The following SDK1 variants were observed in gnomAD, a reference collection of about 807,000 sequenced individuals.
The protein encoded by SDK1 is sidekick cell adhesion molecule 1.
Under a neutral mutation model 245.5 loss-of-function variants are expected in SDK1, and 157 were observed. The ratio of observed to expected loss-of-function variants is 0.64; its 90% CI spans 0.56 to 0.73. The LOEUF (loss-of-function observed/expected upper bound fraction) is 0.73. Ranked by LOEUF, SDK1 falls within the 30% of genes least tolerant of loss-of-function variation. The pLI, the probability that SDK1 is intolerant of heterozygous loss-of-function variation, is 0.00. For missense variants in SDK1, 3,583 were observed against 3,002.3 expected (o/e 1.19, Z -4.52); for synonymous variants, 1,647 against 1,278.5 (o/e 1.29, Z -6.15).
intron 4 of SDK1, among the ~76,000 whole-genome samples, chr7:3,738,035 G>T (rs1779368611): frequency 6.6e-6 from 1 of 152,204 alleles, no homozygotes; most frequent in Admixed American, 6.5e-5. Context: ...TGGTTGTTTT[G>T]TGAGGGGACG....
intron 1 of SDK1, among the ~76,000 whole-genome samples, chr7:3,594,231 T>G (rs1780980933): frequency 6.6e-6 from 1 of 152,230 alleles, no homozygotes; most frequent in African/African-American, 2.4e-5. Flanking sequence ...CTGACTTGTT[T>G]CACTCAACAT....
chr7:3,378,432 C>T (rs186406274), intron 1 of SDK1, among the ~76,000 whole-genome samples: 3 of 152,072 alleles, frequency 2.0e-5, no homozygotes, highest in Admixed American at 6.6e-5. Context: ...TTATCACTTG[C>T]GTTTCTTCGA....
chr7:4,053,391 G>A (rs919625154), intron 19 of SDK1, among the ~76,000 whole-genome samples: 8 of 151,982 alleles, frequency 5.3e-5, no homozygotes, highest in African/African-American at 1.7e-4. Flanking sequence ...ATGCAGTATG[G>A]CCTTTCTAAG....
At chr7:3,465,154 G>C (rs1278686218) in intron 1 of SDK1, among the ~76,000 whole-genome samples, 1 of 152,074 alleles carries the variant, frequency 6.6e-6, no homozygotes, top group Non-Finnish European at 1.5e-5. Context: ...CTGCACTTCC[G>C]TGTGACAAGT....
At chr7:4,239,774 G>C (rs1786406956) in intron 42 of SDK1, among the ~76,000 whole-genome samples, 1 of 152,204 alleles carries the variant, frequency 6.6e-6, no homozygotes, top group South Asian at 2.1e-4. Flanking sequence ...ACCTCTTCCT[G>C]AGCTCAGCTC....
chr7:3,677,151 G>C (rs139688690), intron 4 of SDK1, among the ~76,000 whole-genome samples: 2 of 152,116 alleles, frequency 1.3e-5, no homozygotes, highest in East Asian at 3.9e-4. Context: ...TAAACCCTTG[G>C]AATTTCCAAC....
intron 5 of SDK1, among the ~76,000 whole-genome samples, chr7:3,874,715 AT>A (rs1781033712): frequency 1.3e-5 from 2 of 151,944 alleles, no homozygotes; most frequent in Admixed American, 6.6e-5. Flanking sequence ...CTTAGGGAAG[AT>A]GGGGGTGATG....
chr7:3,476,660 T>C (rs1781356061), intron 1 of SDK1, among the ~76,000 whole-genome samples: 1 of 152,200 alleles, frequency 6.6e-6, no homozygotes, highest in Admixed American at 6.5e-5. Flanking sequence ...AGTATTTTTA[T>C]ATAGTTAATT....
At position 4,268,656 on chromosome 7, in the gene SDK1, C is replaced by G; in HGVS notation, c.*3272C>G. On this transcript the variant is annotated 3_prime_UTR_variant, in exon 45 of 45. Transcript: ENST00000404826. Reference sequence around the variant, plus strand: ...ATGGTTCGTAGCATGGTTTTTATTTCTTACGCATTCTTGGCACACAGTGTA... The same window carrying G: ...ATGGTTCGTAGCATGGTTTTTATTTGTTACGCATTCTTGGCACACAGTGTA... 6 of 1,367,790 alleles carry G rather than the reference C, an allele frequency of 4.4e-6. No individual in the cohort carries two copies. The highest frequency in any genetic ancestry group is 1.1e-5 in the South Asian group (1 of 88,048). 84.7% of individuals were successfully genotyped at this position (1,367,790 alleles called of 1,614,324 possible). A position where few individuals can be genotyped will look rare whatever the true frequency, so the allele number is the denominator to read the frequency against.
chr7:4,206,968 G>T (rs939141860), intron 36 of SDK1, among the ~76,000 whole-genome samples: 1 of 152,238 alleles, frequency 6.6e-6, no homozygotes, highest in East Asian at 1.9e-4. Context: ...GAGCTTGGAG[G>T]CATGGCGCTA....
chr7:3,864,750 T>G (rs1780780432), intron 5 of SDK1, among the ~76,000 whole-genome samples: 1 of 152,092 alleles, frequency 6.6e-6, no homozygotes, highest in Non-Finnish European at 1.5e-5. Context: ...TACACCCTGT[T>G]TATTGCTCCC....
chr7:4,055,880 T>C (rs1341676041), intron 19 of SDK1, among the ~76,000 whole-genome samples: 1 of 152,202 alleles, frequency 6.6e-6, no homozygotes, highest in Admixed American at 6.5e-5. Context: ...AGATACTCTC[T>C]GTGACCCATG....
At chr7:3,454,388 T>TTGTGTGTGTGAGTG (rs1780610315) in intron 1 of SDK1, among the ~76,000 whole-genome samples, 2 of 141,686 alleles carry the variant, frequency 1.4e-5, no homozygotes, top group Admixed American at 1.4e-4. Flanking sequence ...TCCCCAAGAT[T>TTGTGTGTGTGAGTG]TGTGTGTGTG....
At chr7:3,366,236 C>CA (rs1377666500) in intron 1 of SDK1, among the ~76,000 whole-genome samples, 1 of 152,102 alleles carries the variant, frequency 6.6e-6, no homozygotes, top group Non-Finnish European at 1.5e-5. Context: ...TCATTCTTCC[C>CA]AGTATCACCC....
Position 3,821,431 on chromosome 7 carries a change from C to A in SDK1, c.714-19C>A, listed in dbSNP as rs368593218. ...TCCCTGGAGTAGCTTTGACACTGTC[C>A]TCTTCTTTTCTGAAACAGAGCCATC... On this transcript the variant is annotated intron_variant, in intron 4 of 44. Coordinates refer to ENST00000404826, the MANE Select transcript of SDK1 (RefSeq NM_152744.4). 33 of 1,609,686 alleles carry A rather than the reference C, an allele frequency of 2.1e-5. No individual in the cohort carries two copies. The African/African-American group carries it at 4.3e-4, about 21-fold the overall frequency.
intron 43 of SDK1, among the ~76,000 whole-genome samples, chr7:4,243,031 C>G (rs1431677706): frequency 1.3e-5 from 2 of 152,224 alleles, no homozygotes; most frequent in Admixed American, 1.3e-4. Flanking sequence ...CCTTTCATTT[C>G]ATTTGTCTAC....
At position 4,264,206 on chromosome 7, in the gene SDK1, TGGGGG is replaced by T. The variant is rs1562494363; in HGVS notation, c.6382-917_6382-913del. Among the ~76,000 whole-genome samples, 80 of 24,124 alleles carry T rather than the reference TGGGGG, an allele frequency of 3.3e-3. 13 individuals carry two copies. Among genetic ancestry groups the T allele is most frequent in the African/African-American group, 0.019 (73 of 3,856 alleles). The allele number at this position is 24,124 out of a possible 152,430, so 15.8% of individuals were successfully genotyped here. On this transcript the variant is annotated intron_variant, in intron 44 of 44. Transcript: ENST00000404826. ...GGAGGCCGCGTAGACCTCTCCTGAG[TGGGGG>T]AGGCCGCGTAGACCTCTCCTGAGTG...
chr7:3,542,026 C>T (rs1378856089), intron 1 of SDK1, among the ~76,000 whole-genome samples: 2 of 152,170 alleles, frequency 1.3e-5, no homozygotes, highest in African/African-American at 4.8e-5. Flanking sequence ...GCACATTGTG[C>T]ACATGTACCC....
chr7:3,693,728 T>C (rs917031524), intron 4 of SDK1, among the ~76,000 whole-genome samples: 2 of 152,228 alleles, frequency 1.3e-5, no homozygotes, highest in Admixed American at 6.5e-5. Flanking sequence ...TAGTTTCACA[T>C]CCCTGGAGTA....
Sources: gnomAD v4.1 joint callset for allele counts (sites outside exome capture counted in the v4.1 genomes callset) on GRCh38, gnomAD v4.1.1 for gene constraint, MANE v1.5 for transcripts, NCBI Gene and HGNC (gene_info 2026-07-23, HGNC 2026-07-21) for gene names.